PPA2: variants seen among roughly 807,000 people sequenced by gnomAD.
PPA2 encodes inorganic pyrophosphatase 2, mitochondrial.
In PPA2, 48 loss-of-function variants were observed where a neutral mutation model predicts 49.5. That is an observed-to-expected ratio of 0.97 (90% CI 0.77 to 1.23). PPA2 has a LOEUF of 1.23. PPA2 is among the 50% of genes most tolerant of loss of function. The pLI is 0.00. For synonymous variants in PPA2, 131 were observed against 139.9 expected (o/e 0.94, Z 0.45); for missense variants, 429 against 410.1 (o/e 1.05, Z -0.40).
intron 6 of PPA2, among the ~76,000 whole-genome samples, chr4:105,431,909 G>C (rs1405848231): frequency 2.0e-5 from 3 of 152,134 alleles, no homozygotes; most frequent in Non-Finnish European, 4.4e-5. Flanking sequence ...TAAATTAGTG[G>C]TTGCCAGGGG....
chr4:105,463,573 T>C (rs1560644304), intron 1 of PPA2, among the ~76,000 whole-genome samples: 4 of 152,210 alleles, frequency 2.6e-5, no homozygotes, highest in Admixed American at 2.0e-4. Flanking sequence ...AAAATGTCTC[T>C]AGCGCATGTC....
At chr4:105,455,125 A>G (rs954039494) in intron 2 of PPA2, among the ~76,000 whole-genome samples, 4 of 152,168 alleles carry the variant, frequency 2.6e-5, no homozygotes, top group African/African-American at 9.7e-5. Flanking sequence ...ATTCACTACT[A>G]CACCCACAGT....
chr4:105,401,295 T>C (rs929408320), intron 7 of PPA2, among the ~76,000 whole-genome samples: 1 of 152,158 alleles, frequency 6.6e-6, no homozygotes, highest in African/African-American at 2.4e-5. Flanking sequence ...TCACTCATGA[T>C]AGAACTAGTA....
chr4:105,473,076 A>C (rs1162505104), intron 1 of PPA2, among the ~76,000 whole-genome samples: 1 of 152,168 alleles, frequency 6.6e-6, no homozygotes, highest in Non-Finnish European at 1.5e-5. Context: ...TACCACTCCA[A>C]GGCTCTGCAG....
intron 1 of PPA2, among the ~76,000 whole-genome samples, chr4:105,467,787 A>C (rs145968387): frequency 6.6e-6 from 1 of 152,154 alleles, no homozygotes; most frequent in East Asian, 1.9e-4. Flanking sequence ...GACAAGAAGA[A>C]TGCCCAGGTT....
intron 10 of PPA2, among the ~76,000 whole-genome samples, chr4:105,384,113 C>T (rs1733595821): frequency 6.6e-6 from 1 of 152,146 alleles, no homozygotes; most frequent in African/African-American, 2.4e-5. Context: ...AATCTGGGCT[C>T]TAAGAATCCG....
chr4:105,374,642 G>A (rs1733162841), intron 10 of PPA2, among the ~76,000 whole-genome samples: 1 of 152,078 alleles, frequency 6.6e-6, no homozygotes, highest in Non-Finnish European at 1.5e-5. Flanking sequence ...ATTTTCACCT[G>A]TAAGTTACAT....
intron 2 of PPA2, among the ~76,000 whole-genome samples, chr4:105,455,104 A>C (rs1722826373): frequency 6.6e-6 from 1 of 152,176 alleles, no homozygotes; most frequent in Admixed American, 6.5e-5. Flanking sequence ...TGAGTGGACT[A>C]TACCTATCTT....
chr4:105,463,973 CAG>C (rs1009746523), intron 1 of PPA2, among the ~76,000 whole-genome samples: 2 of 152,178 alleles, frequency 1.3e-5, no homozygotes, highest in African/African-American at 4.8e-5. Context: ...GGCCCCCATA[CAG>C]AGTCCCTATT....
At chr4:105,412,541 G>A (rs1397069551) in intron 7 of PPA2, among the ~76,000 whole-genome samples, 3 of 152,162 alleles carry the variant, frequency 2.0e-5, no homozygotes, top group African/African-American at 7.2e-5. Flanking sequence ...TTGTCGGAGT[G>A]AAGAGGCAAC....
chr4:105,436,974 C>G lies in PPA2; in HGVS notation c.528+976G>C, dbSNP rs148389026. ...TGAAAACAAAAATAGACAAATTTAA[C>G]TTAATTAAACTAAAAACCTTCTGCA... On this transcript the variant is annotated intron_variant, in intron 6 of 11. Coordinates refer to ENST00000341695, the MANE Select transcript of PPA2 (RefSeq NM_176869.3). 3.4e-3 allele frequency among the ~76,000 whole-genome samples: 510 copies of G among 152,156 alleles called. 3 individuals are homozygous for G. Among genetic ancestry groups the G allele is most frequent in the Non-Finnish European group, 5.3e-3 (360 of 67,946 alleles).
intron 1 of PPA2, among the ~76,000 whole-genome samples, 177 bp from the exon 2 acceptor site, chr4:105,456,922 G>A (rs559226395): frequency 4.9e-4 from 75 of 152,068 alleles, no homozygotes; most frequent in African/African-American, 1.7e-3. Context: ...TCTAAGGACC[G>A]AAAAGAAATA....
At chr4:105,419,139 TTTTTG>T (rs143208606) in intron 7 of PPA2, among the ~76,000 whole-genome samples, 7,070 of 150,438 alleles carry the variant, frequency 0.047, 493 homozygotes, top group African/African-American at 0.16. Flanking sequence ...GTGCTCTGTT[TTTTTG>T]TTTTGTTTTG....
intron 2 of PPA2, chr4:105,456,376 G>A (rs113587818): frequency 0.014 from 6,153 of 429,878 alleles, 94 homozygotes; most frequent in South Asian, 0.031. Flanking sequence ...ATCCACAAAC[G>A]TTAGCTGATT....
intron 1 of PPA2, among the ~76,000 whole-genome samples, chr4:105,472,640 GAAGAA>G (rs2110338190): frequency 6.6e-6 from 1 of 152,258 alleles, no homozygotes; most frequent in East Asian, 1.9e-4. Flanking sequence ...ACCAAAGATA[GAAGAA>G]AATATGTGGC....
Position 105,454,337 on chromosome 4 carries a change from GTTGTTT to G in PPA2, c.223-701_223-696del, listed in dbSNP as rs1722793831. Among the ~76,000 whole-genome samples the G allele has an allele frequency of 2.3e-5, 3 of 131,116 alleles. No individual in the cohort carries two copies. In the South Asian group the frequency reaches 7.1e-4, roughly 31 times the overall value. 86.0% of individuals were successfully genotyped at this position (131,116 alleles called of 152,430 possible). On this transcript the variant is annotated intron_variant, in intron 2 of 11. Coordinates refer to ENST00000341695, the MANE Select transcript of PPA2 (RefSeq NM_176869.3). ...TGTTGTTGTTGTTGTTGTTGTTGTTGTTGTTTTTGAGACAGAGTCTCGCTCTGTCGC... is the reference window on the plus strand; with the variant it reads ...TGTTGTTGTTGTTGTTGTTGTTGTTGTTGAGACAGAGTCTCGCTCTGTCGC...
Position 105,453,651 on chromosome 4 carries a change from GA to G in PPA2, c.223-10del. 6.2e-7 allele frequency: 1 copy of G among 1,601,870 alleles called. No individual in the cohort carries two copies. The highest frequency in any genetic ancestry group is 1.1e-5 in the South Asian group (1 of 88,732). On this transcript the variant is annotated splice_polypyrimidine_tract_variant and intron_variant, in intron 2 of 11. Transcript: ENST00000341695. ...ATAGGAATGCCATTTTCCTATAAAA[GA>G]AAAGATGGTGAAAGACTGCAATATT...
intron 6 of PPA2, among the ~76,000 whole-genome samples, chr4:105,435,644 G>A (rs957893313): frequency 2.2e-4 from 34 of 152,094 alleles, no homozygotes; most frequent in Non-Finnish European, 4.7e-4. Flanking sequence ...ATGCAAGGAT[G>A]GTTGAACATA....
chr4:105,426,846 CAGT>C, intron 6 of PPA2, among the ~76,000 whole-genome samples: 1 of 152,336 alleles, frequency 6.6e-6, no homozygotes, highest in Non-Finnish European at 1.5e-5. Context: ...CTGAAGAGAG[CAGT>C]AGTTCTTCCA....
Sources: gnomAD v4.1 joint callset for allele counts (sites outside exome capture counted in the v4.1 genomes callset) on GRCh38, gnomAD v4.1.1 for gene constraint, MANE v1.5 for transcripts, NCBI Gene and HGNC (gene_info 2026-07-23, HGNC 2026-07-21) for gene names.